Variants in CD1C observed in about 807,000 individuals in gnomAD.
The protein encoded by CD1C is T-cell surface glycoprotein CD1c.
CD1C carries 47 observed loss-of-function variants against 39.4 expected under a neutral mutation model. The ratio of observed to expected loss-of-function variants is 1.19; its 90% CI spans 0.94 to 1.52. The LOEUF is 1.52. Among genes scored for constraint, CD1C ranks in the 40% most tolerant of loss-of-function variants. The pLI is 0.00. For missense variants in CD1C, 417 were observed against 395.2 expected (o/e 1.06, Z -0.47); for synonymous variants, 165 against 150.8 (o/e 1.09, Z -0.69).
At chr1:158,293,378 C>T in intron 5 of CD1C, 76 bp downstream of exon 5, 1 of 1,591,160 alleles carries the variant, frequency 6.3e-7, no homozygotes, top group Non-Finnish European at 8.6e-7. Flanking sequence ...TAGCTTTTCT[C>T]TATTGACTAC....
chr1:158,293,109 A>G, intron 4 of CD1C, 103 bp from the exon 5 acceptor site: 1 of 987,430 alleles, frequency 1.0e-6, no homozygotes, highest in Non-Finnish European at 1.6e-6. Flanking sequence ...AGGATAACTG[A>G]TGCAACTCAT....
rs768378247 is a variant in CD1C at position 158,290,133 on chromosome 1, C to T, written c.61+8C>T. 34 of 1,612,928 alleles carry T rather than the reference C, an allele frequency of 2.1e-5. No individual in the cohort carries two copies. The South Asian group carries it at 2.3e-4, about 11-fold the overall frequency. ...GTGGTGACAATGCAGACGGTAAGAACATCGCTGTCAGCTGCAAGGTTACAT... is the reference window on the plus strand; with the variant it reads ...GTGGTGACAATGCAGACGGTAAGAATATCGCTGTCAGCTGCAAGGTTACAT... On this transcript the variant is annotated splice_region_variant and intron_variant, in intron 1 of 5. Transcript: ENST00000368170.
At chr1:158,291,973 C>A in intron 2 of CD1C, 111 bp from the exon 3 acceptor site, 1 of 1,076,234 alleles carries the variant, frequency 9.3e-7, no homozygotes, top group Non-Finnish European at 1.3e-6. Context: ...GGCTCACTCT[C>A]ACATCCATGT....
In CD1C at chr1:158,293,257, C is replaced by T. The variant is rs756786391; in HGVS notation, c.935C>T (p.Pro312Leu). The change falls in exon 5 of 6, where the codon CCC (proline) becomes CTC (leucine). Residue 312 changes from proline to leucine, a missense_variant. Physicochemically the swap from Pro to Leu is moderately conservative, Grantham distance 98. Coordinates refer to ENST00000368170, the MANE Select transcript of CD1C (RefSeq NM_001765.3). Reference sequence around the variant, plus strand: ...TGGATTGCCTTGGTAGTGATAGTGCCCTTGGTGATTCTAATAGTCCTTGTG... The same window carrying T: ...TGGATTGCCTTGGTAGTGATAGTGCTCTTGGTGATTCTAATAGTCCTTGTG... Reference protein sequence around the residue: ...MNWIALVVIVPLVILIVLVLW... With the variant: ...MNWIALVVIVLLVILIVLVLW... The T allele has an allele frequency of 1.2e-5, 19 of 1,613,930 alleles. No individual in the cohort carries two copies. The highest frequency in any genetic ancestry group is 1.4e-5 in the Non-Finnish European group (17 of 1,179,988).
Position 158,293,694 on chromosome 1 carries a change from A to G in CD1C, c.*218A>G. ...ACCTTCAAAGCCCATTTCTGATGTC[A>G]TTTCCTCCAACGATCTTCCTTGACC... On this transcript the variant is annotated 3_prime_UTR_variant, in exon 6 of 6. Transcript: ENST00000368170. 9.0e-7 allele frequency: 1 copy of G among 1,113,372 alleles called. No homozygotes were observed. Among genetic ancestry groups the G allele is most frequent in the Non-Finnish European group, 1.3e-6 (1 of 769,362 alleles). The allele number at this position is 1,113,372 out of a possible 1,614,324, so 69.0% of individuals were successfully genotyped here. A position where few individuals can be genotyped will look rare whatever the true frequency, so the allele number is the denominator to read the frequency against.
intron 5 of CD1C, 41 bp downstream of exon 5, chr1:158,293,343 T>C (rs780194723): frequency 6.3e-7 from 1 of 1,596,846 alleles, no homozygotes; most frequent in Non-Finnish European, 8.6e-7. Flanking sequence ...CAGTTTCTTA[T>C]TTCACATTCC....
rs1651132550 is a variant in CD1C, at chr1:158,293,576, T to C, written c.*100T>C. The C allele has an allele frequency of 1.2e-6, 2 of 1,613,646 alleles. No individual in the cohort carries two copies. Among genetic ancestry groups the C allele is most frequent in the Non-Finnish European group, 1.7e-6 (2 of 1,179,788 alleles). On this transcript the variant is annotated 3_prime_UTR_variant, in exon 6 of 6. Transcript: ENST00000368170. ...TCCCGTCGACTCTCCATTTAAATTG[T>C]TTCTCTTTCTGCATAATAAACATTT...
Position 158,289,992 on chromosome 1 carries a change from C to A in CD1C, c.-73C>A. 7.2e-7 allele frequency: 1 copy of A among 1,382,976 alleles called. No homozygotes were observed. The highest frequency in any genetic ancestry group is 1.0e-6 in the Non-Finnish European group (1 of 972,312). 85.7% of individuals were successfully genotyped at this position (1,382,976 alleles called of 1,614,324 possible). ...GTAGAAGGAAGTCAGAATATAGGTACAGAGGGATAAGTTTGCTAAGAACAG... is the reference window on the plus strand; with the variant it reads ...GTAGAAGGAAGTCAGAATATAGGTAAAGAGGGATAAGTTTGCTAAGAACAG... On this transcript the variant is annotated 5_prime_UTR_variant, in exon 1 of 6. An upstream open reading frame in the 5' UTR gains an earlier in-frame stop. Transcript: ENST00000368170.
chr1:158,292,662 A>C lies in CD1C; in HGVS notation c.677A>C (p.His226Pro), dbSNP rs992600148. Residue 226 changes from histidine (H) to proline (P), a missense_variant, in exon 4 of 6, where the codon CAT (histidine) becomes CCT (proline). By Grantham distance (77) the His-to-Pro change is moderately conservative. Transcript: ENST00000368170. ...LGSGQLLLVC[H>P]ASGFYPKPVW... ...TCTGGCCAGCTGTTGCTGGTTTGTC[A>C]TGCCTCCGGCTTCTACCCAAAGCCT... 16 of 1,613,772 alleles carry C rather than the reference A, an allele frequency of 9.9e-6. No individual in the cohort carries two copies. Among genetic ancestry groups the C allele is most frequent in the Non-Finnish European group, 1.3e-5 (15 of 1,179,992 alleles).
At position 158,292,365 on chromosome 1, in the gene CD1C, G is replaced by T; in HGVS notation, c.610G>T (p.Val204Leu). Residue 204 changes from valine to leucine, a missense_variant and splice_region_variant, in exon 3 of 6, where the codon GTG becomes TTG. Val to Leu is a conservative substitution (Grantham distance 32, BLOSUM62 1). Transcript: ENST00000368170. ...DAGKMYVHRQ[V>L]RPEAWLSSRP... ...AGGGAAGATGTATGTACACAGGCAAGGTCAGTAGTTTCAGCCCCTTCCTCT... is the reference window on the plus strand; with the variant it reads ...AGGGAAGATGTATGTACACAGGCAATGTCAGTAGTTTCAGCCCCTTCCTCT... 1 of 1,611,134 alleles carries T rather than the reference G, an allele frequency of 6.2e-7. No individual in the cohort carries two copies. Among genetic ancestry groups the T allele is most frequent in the Non-Finnish European group, 8.5e-7 (1 of 1,178,458 alleles).
In CD1C at chr1:158,291,021, G is replaced by A. The variant is rs1651015033; in HGVS notation, c.62-113G>A. ...GTGTAAGGAAAATGGTATAGCTAAA[G>A]TAGTCATTAATGTTTCTCTGTGGTA... On this transcript the variant is annotated intron_variant, in intron 1 of 5. Coordinates refer to ENST00000368170, the MANE Select transcript of CD1C (RefSeq NM_001765.3). 4.5e-6 allele frequency: 5 copies of A among 1,105,662 alleles called. No homozygotes were observed. The Admixed American group carries it at 1.1e-4, about 23-fold the overall frequency. 68.5% of individuals were successfully genotyped at this position (1,105,662 alleles called of 1,614,324 possible).
At position 158,292,334 on chromosome 1, in the gene CD1C, G is replaced by A; in HGVS notation, c.579G>A (p.Leu193=). 1 of 1,614,078 alleles carries A rather than the reference G, an allele frequency of 6.2e-7. No individual in the cohort carries two copies. The highest frequency in any genetic ancestry group is 8.5e-7 in the Non-Finnish European group (1 of 1,180,008). ...STCPRFLLGL[L]DAGKMYVHRQ... ...GCCCCCGATTTCTCTTGGGTCTCCTGGATGCAGGGAAGATGTATGTACACA... is the reference window on the plus strand; with the variant it reads ...GCCCCCGATTTCTCTTGGGTCTCCTAGATGCAGGGAAGATGTATGTACACA... The change falls in exon 3 of 6, where the codon CTG becomes CTA. Residue 193 remains leucine, a synonymous_variant. Coordinates refer to ENST00000368170, the MANE Select transcript of CD1C (RefSeq NM_001765.3).
At position 158,292,338 on chromosome 1, in the gene CD1C, G is replaced by A. The variant is rs1334526324; in HGVS notation, c.583G>A (p.Ala195Thr). The A allele has an allele frequency of 3.7e-6, 6 of 1,614,088 alleles. No homozygotes were observed. The highest frequency in any genetic ancestry group is 4.2e-6 in the Non-Finnish European group (5 of 1,180,014). ...CCGATTTCTCTTGGGTCTCCTGGATGCAGGGAAGATGTATGTACACAGGCA... is the reference window on the plus strand; with the variant it reads ...CCGATTTCTCTTGGGTCTCCTGGATACAGGGAAGATGTATGTACACAGGCA... ...CPRFLLGLLD[A>T]GKMYVHRQVR... Residue 195 changes from alanine (A) to threonine (T), a missense_variant, in exon 3 of 6, where the codon GCA (alanine) becomes ACA (threonine). Ala to Thr is a moderately conservative substitution (Grantham distance 58, BLOSUM62 0). Transcript: ENST00000368170.
In CD1C at chr1:158,290,049, A is replaced by T. The variant is rs958339926; in HGVS notation, c.-16A>T. 1.9e-6 allele frequency: 3 copies of T among 1,613,240 alleles called. No individual in the cohort carries two copies. The highest frequency in any genetic ancestry group is 2.5e-6 in the Non-Finnish European group (3 of 1,179,364). On this transcript the variant is annotated 5_prime_UTR_variant, in exon 1 of 6. Transcript: ENST00000368170. ...GCAAACAGCTTTTCTGAGAGAAAGA[A>T]ACATCTGCAAATGACATGCTGTTTC...
At position 158,293,554 on chromosome 1, in the gene CD1C, C is replaced by T. The variant is rs201298387; in HGVS notation, c.*78C>T. 7.6e-5 allele frequency: 123 copies of T among 1,613,752 alleles called. No individual in the cohort carries two copies. Among genetic ancestry groups the T allele is most frequent in the East Asian group, 2.2e-4 (10 of 44,886 alleles). On this transcript the variant is annotated 3_prime_UTR_variant, in exon 6 of 6. Coordinates refer to ENST00000368170, the MANE Select transcript of CD1C (RefSeq NM_001765.3). ...CTAGTACAATATAGTGATGCCATCCCGTCGACTCTCCATTTAAATTGTTTC... is the reference window on the plus strand; with the variant it reads ...CTAGTACAATATAGTGATGCCATCCTGTCGACTCTCCATTTAAATTGTTTC...
In CD1C at chr1:158,293,478, A is replaced by T; in HGVS notation, c.*2A>T. ...AGCTCATATCAGGACATCCTGTGAG[A>T]CTCTTCCCCCTGACTCCCCCATTGT... On this transcript the variant is annotated 3_prime_UTR_variant, in exon 6 of 6. Coordinates refer to ENST00000368170, the MANE Select transcript of CD1C (RefSeq NM_001765.3). 2 of 1,613,322 alleles carry T rather than the reference A, an allele frequency of 1.2e-6. No individual in the cohort carries two copies. Among genetic ancestry groups the T allele is most frequent in the Middle Eastern group, 3.3e-4 (2 of 6,062 alleles).
Position 158,292,364 on chromosome 1 carries a change from A to C in CD1C, c.609A>C (p.Gln203His). ...CAGGGAAGATGTATGTACACAGGCA[A>C]GGTCAGTAGTTTCAGCCCCTTCCTC... ...LDAGKMYVHR[Q>H]VRPEAWLSSR... The change falls in exon 3 of 6, where the codon CAA becomes CAC. Residue 203 changes from glutamine to histidine, a missense_variant and splice_region_variant. Coordinates refer to ENST00000368170, the MANE Select transcript of CD1C (RefSeq NM_001765.3). 1 of 1,611,292 alleles carries C rather than the reference A, an allele frequency of 6.2e-7. No individual in the cohort carries two copies. Among genetic ancestry groups the C allele is most frequent in the Non-Finnish European group, 8.5e-7 (1 of 1,178,502 alleles).
rs780763972 is a variant in CD1C, at chr1:158,292,865, C to T, written c.880C>T (p.Leu294Phe). Residue 294 changes from leucine (L) to phenylalanine (F), a missense_variant, in exon 4 of 6, where the codon CTC becomes TTC. Physicochemically the swap from Leu to Phe is conservative, Grantham distance 22. Coordinates refer to ENST00000368170, the MANE Select transcript of CD1C (RefSeq NM_001765.3). ...CAGTCTAGGAGGCCAGGACATCATC[C>T]TCTACTGGGGTAAGACTGGAGGTTG... ...HSSLGGQDII[L>F]YWGHHFSMNW... The T allele has an allele frequency of 7.4e-6, 12 of 1,614,018 alleles. No homozygotes were observed. Among genetic ancestry groups the T allele is most frequent in the Non-Finnish European group, 9.3e-6 (11 of 1,179,944 alleles).
intron 3 of CD1C, 25 bp downstream of exon 3, chr1:158,292,390 T>A: frequency 6.3e-7 from 1 of 1,598,074 alleles, no homozygotes. Flanking sequence ...CCCCTTCCTC[T>A]AAGATTTTTC....
Sources: allele counts gnomAD v4.1 joint callset, GRCh38; gene constraint gnomAD v4.1.1; transcripts MANE v1.5; gene names NCBI Gene and HGNC (gene_info 2026-07-23, HGNC 2026-07-21).